The following ANKS1B variants were observed in gnomAD, a reference collection of about 807,000 sequenced individuals.
The protein encoded by ANKS1B is ankyrin repeat and sterile alpha motif domain-containing protein 1B.
A neutral mutation model predicts 148.3 loss-of-function variants in ANKS1B; 36 were observed. The observed-to-expected ratio is 0.24, with a 90% CI of 0.19 to 0.32. ANKS1B has a LOEUF of 0.32. ANKS1B is among the 10% of genes least tolerant of loss of function. ANKS1B has a pLI of 1.00. For missense variants in ANKS1B, 1,157 were observed against 1,542.6 expected (o/e 0.75, Z 4.19); for synonymous variants, 542 against 560.8 (o/e 0.97, Z 0.47).
intron 9 of ANKS1B, among the ~76,000 whole-genome samples, chr12:99,593,392 GA>G (rs1314020918): frequency 1.3e-5 from 2 of 151,956 alleles, no homozygotes; most frequent in African/African-American, 4.8e-5. Context: ...GTTTCCTATT[GA>G]AAAAAGTTTG....
At chr12:99,234,731 C>T (rs781208125) in intron 14 of ANKS1B, among the ~76,000 whole-genome samples, 1 of 151,822 alleles carries the variant, frequency 6.6e-6, no homozygotes. Context: ...TGGTAAATAA[C>T]AGAGCCAAGA....
intron 1 of ANKS1B, among the ~76,000 whole-genome samples, chr12:99,907,307 T>A (rs1565973422): frequency 6.6e-6 from 1 of 152,186 alleles, no homozygotes; most frequent in Non-Finnish European, 1.5e-5. Flanking sequence ...CGTGCGCCCC[T>A]CTTCCACAGC....
intron 9 of ANKS1B, among the ~76,000 whole-genome samples, chr12:99,611,154 C>T (rs769724425): frequency 1.8e-4 from 28 of 152,016 alleles, no homozygotes; most frequent in Admixed American, 5.2e-4. Context: ...TAATAATAGT[C>T]TAGAAATCAG....
intron 17 of ANKS1B, among the ~76,000 whole-genome samples, chr12:99,008,854 G>T (rs1467592842): frequency 1.3e-5 from 2 of 152,120 alleles, no homozygotes; most frequent in African/African-American, 4.8e-5. Flanking sequence ...AAGAGCTTGT[G>T]AAATGACCCC....
intron 12 of ANKS1B, among the ~76,000 whole-genome samples, chr12:99,313,436 A>T (rs1326797811): frequency 6.6e-6 from 1 of 152,198 alleles, no homozygotes; most frequent in Non-Finnish European, 1.5e-5. Context: ...CATCATCCTG[A>T]TACCAAAACC....
intron 9 of ANKS1B, among the ~76,000 whole-genome samples, chr12:99,651,140 T>G (rs192950869): frequency 6.6e-6 from 1 of 152,154 alleles, no homozygotes; most frequent in Non-Finnish European, 1.5e-5. Context: ...CTGTATATAT[T>G]GTAAGGAAGC....
chr12:99,076,622 T>C (rs918114881), intron 16 of ANKS1B, among the ~76,000 whole-genome samples: 11 of 152,168 alleles, frequency 7.2e-5, no homozygotes, highest in Non-Finnish European at 1.2e-4. Flanking sequence ...CTGTTAATTA[T>C]ACACATTTCT....
chr12:99,441,726 G>C (rs1199107228), intron 11 of ANKS1B, among the ~76,000 whole-genome samples: 1 of 151,818 alleles, frequency 6.6e-6, no homozygotes, highest in Non-Finnish European at 1.5e-5. Context: ...GAAAGATGGA[G>C]TCAGTTACTA....
chr12:99,165,131 G>T (rs1355228894), intron 14 of ANKS1B, among the ~76,000 whole-genome samples: 2 of 151,930 alleles, frequency 1.3e-5, no homozygotes, highest in African/African-American at 4.8e-5. Context: ...TAGACAGGCA[G>T]AAATACTCAC....
intron 12 of ANKS1B, among the ~76,000 whole-genome samples, chr12:99,380,154 G>A (rs1389143986): frequency 1.3e-5 from 2 of 152,122 alleles, no homozygotes; most frequent in Admixed American, 6.6e-5. Context: ...TCCTCTCATG[G>A]GAGGATTACT....
chr12:98,953,812 T>G (rs2099858016), intron 17 of ANKS1B, among the ~76,000 whole-genome samples: 1 of 152,136 alleles, frequency 6.6e-6, no homozygotes. Flanking sequence ...TTTCCAATTC[T>G]TCTGTTGACT....
chr12:99,169,610 G>A (rs992173541), intron 14 of ANKS1B, among the ~76,000 whole-genome samples: 17 of 152,160 alleles, frequency 1.1e-4, no homozygotes, highest in Non-Finnish European at 2.2e-4. Flanking sequence ...CACCTACTAT[G>A]GGTCTGGCCT....
chr12:99,719,417 G>A (rs2057822365), intron 8 of ANKS1B, among the ~76,000 whole-genome samples: 1 of 151,966 alleles, frequency 6.6e-6, no homozygotes, highest in African/African-American at 2.4e-5. Context: ...TGATCCACCT[G>A]ACATTCACTC....
intron 12 of ANKS1B, among the ~76,000 whole-genome samples, chr12:99,286,772 C>A (rs2079176841): frequency 6.6e-6 from 1 of 152,160 alleles, no homozygotes; most frequent in African/African-American, 2.4e-5. Context: ...ACCAGGCAAT[C>A]CTCACTGTGA....
At chr12:98,840,068 CCT>C (rs1476736056) in intron 17 of ANKS1B, among the ~76,000 whole-genome samples, 3 of 152,244 alleles carry the variant, frequency 2.0e-5, no homozygotes, top group Non-Finnish European at 2.9e-5. Flanking sequence ...AACTCAAACC[CCT>C]GTCAAGGTGG....
intron 9 of ANKS1B, among the ~76,000 whole-genome samples, chr12:99,613,884 G>GA (rs369852573): frequency 4.1e-5 from 6 of 146,030 alleles, no homozygotes; most frequent in South Asian, 4.4e-4. Flanking sequence ...TATATGCATG[G>GA]AAAAAAAAAA....
chr12:99,091,777 T>C (rs2054087535), intron 15 of ANKS1B, among the ~76,000 whole-genome samples: 2 of 136,508 alleles, frequency 1.5e-5, no homozygotes, highest in African/African-American at 5.5e-5. Flanking sequence ...TTCCATATAT[T>C]ACTTTATTTA....
chr12:99,803,156 A>G (rs2067163191), intron 4 of ANKS1B, among the ~76,000 whole-genome samples: 1 of 152,002 alleles, frequency 6.6e-6, no homozygotes, highest in South Asian at 2.1e-4. Context: ...TACTAGCTAC[A>G]TTGTTCACTC....
intron 12 of ANKS1B, among the ~76,000 whole-genome samples, chr12:99,313,763 C>T (rs12309037): frequency 0.24 from 36,110 of 151,962 alleles, 6,235 homozygotes; most frequent in African/African-American, 0.5. Context: ...TGATGGAACA[C>T]ATCTCAAAAT....
Sources: allele counts gnomAD v4.1 joint callset (sites outside exome capture counted in the v4.1 genomes callset), GRCh38; gene constraint gnomAD v4.1.1; transcripts MANE v1.5; gene names NCBI Gene and HGNC (gene_info 2026-07-23, HGNC 2026-07-21).